RNF123: variants seen among roughly 807,000 people sequenced by gnomAD.
RNF123 encodes ring finger protein 123, also known as E3 ubiquitin-protein ligase RNF123.
In RNF123, 86 loss-of-function variants were observed where a neutral mutation model predicts 168.5. The ratio of observed to expected loss-of-function variants is 0.51; its 90% confidence interval spans 0.43 to 0.61. The LOEUF is 0.61. Ranked by LOEUF, RNF123 falls within the 20% of genes least tolerant of loss-of-function variation. The pLI, the probability that RNF123 is intolerant of heterozygous loss-of-function variation, is 0.00. For missense variants in RNF123, 1,419 were observed against 1,729.7 expected (o/e 0.82, Z 3.19); for synonymous variants, 666 against 689.1 (o/e 0.97, Z 0.52).
At chr3:49,697,998 T>G in intron 6 of RNF123, 54 bp from the exon 7 acceptor site, 1 of 1,612,908 alleles carries the variant, frequency 6.2e-7, no homozygotes, top group Non-Finnish European at 8.5e-7. Flanking sequence ...GGCCCAGGCA[T>G]GAGGCAAGAG....
intron 3 of RNF123, 94 bp downstream of exon 3, chr3:49,691,603 A>C (rs1197190022): frequency 1.1e-6 from 1 of 947,762 alleles, no homozygotes; most frequent in Non-Finnish European, 1.7e-6. Flanking sequence ...GGCTCTGGAC[A>C]GATAGGCTTA....
At chr3:49,720,410 T>C in intron 35 of RNF123, 101 bp from the exon 36 acceptor site, 1 of 1,174,624 alleles carries the variant, frequency 8.5e-7, no homozygotes, top group Admixed American at 3.0e-5. Flanking sequence ...GCAGGGGGGG[T>C]GATCATGTAC....
At chr3:49,707,906 ATC>A (rs1002610195) in intron 26 of RNF123, among the ~76,000 whole-genome samples, 1 of 151,500 alleles carries the variant, frequency 6.6e-6, no homozygotes, top group Non-Finnish European at 1.5e-5. Flanking sequence ...TTGCCCTCTC[ATC>A]TCTCTGCCTT....
intron 23 of RNF123, 142 bp from the exon 24 acceptor site, chr3:49,705,392 C>A: frequency 7.6e-7 from 1 of 1,309,956 alleles, no homozygotes; most frequent in Non-Finnish European, 1.0e-6. Flanking sequence ...CACTCCACCC[C>A]TACCCCCATG....
At chr3:49,696,492 G>T (rs1345797076) in intron 3 of RNF123, among the ~76,000 whole-genome samples, 1 of 151,954 alleles carries the variant, frequency 6.6e-6, no homozygotes, top group African/African-American at 2.4e-5. Context: ...GGTATTACAG[G>T]CACATGCCAC....
At chr3:49,717,952 T>A (rs776776059) in intron 35 of RNF123, 1 of 1,611,268 alleles carries the variant, frequency 6.2e-7, no homozygotes, top group Non-Finnish European at 8.5e-7. Flanking sequence ...CTGGGCAGTC[T>A]AGGTTGTCAT....
At chr3:49,696,135 T>A (rs2054262655) in intron 3 of RNF123, among the ~76,000 whole-genome samples, 1 of 152,032 alleles carries the variant, frequency 6.6e-6, no homozygotes, top group African/African-American at 2.4e-5. Flanking sequence ...GGGGCAAGGG[T>A]TGGACTAGGT....
intron 34 of RNF123, 38 bp from the exon 35 acceptor site, chr3:49,716,355 A>G (rs11720705): frequency 0.83 from 1,333,817 of 1,597,890 alleles, 559,135 homozygotes; most frequent in East Asian, 1. Context: ...AAGCAGGAGC[A>G]TGTGGGTGGC....
rs2080252093 is a variant in RNF123, at chr3:49,716,729, G to A, written c.3500+252G>A. 9 of 484,676 alleles carry A rather than the reference G, an allele frequency of 1.9e-5. No individual in the cohort carries two copies. In the South Asian group the frequency reaches 2.0e-4, roughly 11 times the overall value. 30.0% of individuals were successfully genotyped at this position (484,676 alleles called of 1,614,324 possible). ...CACAGAGCCACTGGCTTGTGGCCATGCCTCAGGCCAGGCATGGGAGGCAGG... is the reference window on the plus strand; with the variant it reads ...CACAGAGCCACTGGCTTGTGGCCATACCTCAGGCCAGGCATGGGAGGCAGG... On this transcript the variant is annotated intron_variant, in intron 35 of 38. Transcript: ENST00000327697.
chr3:49,697,809 G>C, intron 5 of RNF123, 76 bp from the exon 6 acceptor site: 1 of 1,572,820 alleles, frequency 6.4e-7, no homozygotes, highest in Non-Finnish European at 8.7e-7. Context: ...GGCTCAGTTG[G>C]GGATGGGGTC....
chr3:49,715,566 C>T lies in RNF123; in HGVS notation c.3011-9C>T, dbSNP rs767167323. 3.7e-6 allele frequency: 6 copies of T among 1,613,748 alleles called. No individual in the cohort carries two copies. In the East Asian group the frequency reaches 1.3e-4, roughly 36 times the overall value. ...GTCCCTGATGATGCCGCCTCCTGTC[C>T]CCCTGCAGAGCCCTGCCCTTCCACC... On this transcript the variant is annotated splice_polypyrimidine_tract_variant and intron_variant, in intron 31 of 38. Transcript: ENST00000327697.
intron 13 of RNF123, 44 bp downstream of exon 13, chr3:49,700,396 C>G (rs1276929701): frequency 6.2e-7 from 1 of 1,612,840 alleles, no homozygotes; most frequent in African/African-American, 1.3e-5. Flanking sequence ...TGTCAGTCTT[C>G]ACTGGGGTCG....
intron 15 of RNF123, 61 bp from the exon 16 acceptor site, chr3:49,701,430 G>C (rs1357284027): frequency 7.6e-7 from 1 of 1,308,130 alleles, no homozygotes; most frequent in South Asian, 1.2e-5. Context: ...CCTGGGGAAG[G>C]ACTCTTGAGG....
intron 35 of RNF123, chr3:49,719,666 C>G (rs1009054923): frequency 3.5e-6 from 2 of 569,772 alleles, no homozygotes; most frequent in Non-Finnish European, 6.3e-6. Flanking sequence ...GCGCTCCCTT[C>G]GGCTTCGCTA....
chr3:49,719,749 T>G, intron 35 of RNF123: 1 of 376,268 alleles, frequency 2.7e-6, no homozygotes. Context: ...TCCTATTGGT[T>G]CCCGTTTGAG....
At chr3:49,712,952 C>T (rs1418607370) in intron 27 of RNF123, 9 of 702,688 alleles carry the variant, frequency 1.3e-5, no homozygotes, top group Non-Finnish European at 5.2e-6. Context: ...CTGCCATGGT[C>T]CAGGAGCCAG....
intron 34 of RNF123, 83 bp from the exon 35 acceptor site, chr3:49,716,310 T>C (rs2080243718): frequency 1.3e-6 from 2 of 1,553,488 alleles, no homozygotes; most frequent in Admixed American, 1.7e-5. Flanking sequence ...CTCACCCTTC[T>C]GTAGAGAGGG....
At position 49,706,189 on chromosome 3, in the gene RNF123, G is replaced by A. The variant is rs543459514; in HGVS notation, c.2388+124G>A. On this transcript the variant is annotated intron_variant, in intron 25 of 38. Coordinates refer to ENST00000327697, the MANE Select transcript of RNF123 (RefSeq NM_022064.5). Reference sequence around the variant, plus strand: ...CCCACTCTAGCCCTGGCCATAGCACGCCAGTGAGAGTGGGGCTGGCAGCAA... The same window carrying A: ...CCCACTCTAGCCCTGGCCATAGCACACCAGTGAGAGTGGGGCTGGCAGCAA... The A allele has an allele frequency of 7.0e-5, 59 of 839,282 alleles. No homozygotes were observed. In the East Asian group the frequency reaches 1.4e-3, roughly 20 times the overall value. The allele number at this position is 839,282 out of a possible 1,614,324, so 52.0% of individuals were successfully genotyped here.
chr3:49,713,398 G>T, intron 27 of RNF123, 115 bp from the exon 28 acceptor site: 1 of 977,002 alleles, frequency 1.0e-6, no homozygotes, highest in Non-Finnish European at 1.6e-6. Flanking sequence ...CTGGGTCCAG[G>T]CTGGCCTTGG....
Sources: gnomAD v4.1 joint callset for allele counts (sites outside exome capture counted in the v4.1 genomes callset) on GRCh38, gnomAD v4.1.1 for gene constraint, MANE v1.5 for transcripts, NCBI Gene and HGNC (gene_info 2026-07-23, HGNC 2026-07-21) for gene names.